Variants in PDZD2 observed in about 807,000 individuals in gnomAD.
PDZD2 encodes PDZ domain-containing protein 2.
A neutral mutation model predicts 220.7 loss-of-function variants in PDZD2; 90 were observed. The ratio of observed to expected loss-of-function variants is 0.41; its 90% CI spans 0.34 to 0.49. The LOEUF is 0.49. PDZD2 is among the 20% of genes least tolerant of loss of function. The pLI, the probability that PDZD2 is intolerant of heterozygous loss-of-function variation, is 0.28. For synonymous variants in PDZD2, 1,375 were observed against 1,450.5 expected, an observed-to-expected ratio of 0.95 and a Z score of 1.18; for missense variants, 3,174 against 3,608.5, an observed-to-expected ratio of 0.88 and a Z score of 3.08.
chr5:31,692,086 G>C (rs138637512), intron 1 of PDZD2, among the ~76,000 whole-genome samples: 1 of 152,204 alleles, frequency 6.6e-6, no homozygotes, highest in Non-Finnish European at 1.5e-5. Context: ...GGGGAGGCTC[G>C]GGTGGCACAG....
At chr5:32,035,236 A>G (rs575403214) in intron 6 of PDZD2, among the ~76,000 whole-genome samples, 2 of 152,194 alleles carry the variant, frequency 1.3e-5, no homozygotes, top group South Asian at 2.1e-4. Context: ...CTAACTGCTT[A>G]CTTTATACGT....
At chr5:31,742,088 TC>T (rs569625814) in intron 1 of PDZD2, 3 of 152,344 alleles carry the variant, frequency 2.0e-5, no homozygotes, top group South Asian at 2.1e-4. Flanking sequence ...TACAGGAAAG[TC>T]AATTATCTTT....
At chr5:31,658,935 ATC>A (rs1224855377) in intron 1 of PDZD2, among the ~76,000 whole-genome samples, 1 of 152,102 alleles carries the variant, frequency 6.6e-6, no homozygotes, top group African/African-American at 2.4e-5. Context: ...CACTTCTTAA[ATC>A]TCTCATTAAT....
intron 1 of PDZD2, among the ~76,000 whole-genome samples, chr5:31,790,817 G>T (rs1389060164): frequency 6.8e-6 from 1 of 147,828 alleles, no homozygotes; most frequent in Non-Finnish European, 1.5e-5. Context: ...TCCTGCCTCA[G>T]CCTCCTGAAT....
chr5:31,645,352 T>C (rs13184279), intron 1 of PDZD2, among the ~76,000 whole-genome samples: 71,949 of 135,456 alleles, frequency 0.53, 19,768 homozygotes, highest in Non-Finnish European at 0.65. Context: ...TTTTTTTTTT[T>C]TTGAGACGGA....
intron 1 of PDZD2, among the ~76,000 whole-genome samples, chr5:31,741,180 T>C (rs552596335): frequency 4.5e-5 from 6 of 133,268 alleles, no homozygotes; most frequent in Non-Finnish European, 9.4e-5. Context: ...TCAGATCTTG[T>C]ACAATAGTGT....
At chr5:31,754,221 C>G (rs772434327) in intron 1 of PDZD2, 7 of 152,284 alleles carry the variant, frequency 4.6e-5, no homozygotes, top group Non-Finnish European at 7.3e-5. Flanking sequence ...CATTGATCCT[C>G]GCGCCCTCTT....
intron 13 of PDZD2, among the ~76,000 whole-genome samples, chr5:32,059,703 T>C (rs1316799654): frequency 6.6e-6 from 1 of 152,192 alleles, no homozygotes. Context: ...AAAATTCATA[T>C]GAAATACTGG....
At chr5:31,806,573 C>T (rs148977586) in intron 2 of PDZD2, among the ~76,000 whole-genome samples, 2 of 152,272 alleles carry the variant, frequency 1.3e-5, no homozygotes, top group African/African-American at 4.8e-5. Flanking sequence ...GTCACCTGCC[C>T]CATCTTGAAG....
At chr5:31,671,541 T>G (rs1490087413) in intron 1 of PDZD2, among the ~76,000 whole-genome samples, 1 of 152,104 alleles carries the variant, frequency 6.6e-6, no homozygotes, top group African/African-American at 2.4e-5. Flanking sequence ...TGAAGTTGTG[T>G]CTCGAAGAGC....
intron 13 of PDZD2, among the ~76,000 whole-genome samples, chr5:32,060,208 C>T (rs1416477874): frequency 6.6e-6 from 1 of 152,028 alleles, no homozygotes; most frequent in African/African-American, 2.4e-5. Context: ...ATCCAAAGTA[C>T]ATTAAAGAAA....
intron 2 of PDZD2, among the ~76,000 whole-genome samples, chr5:31,848,628 A>G (rs1411013342): frequency 4.1e-5 from 5 of 123,278 alleles, no homozygotes; most frequent in Non-Finnish European, 8.7e-5. Flanking sequence ...GGGCACCTGT[A>G]ATCCCAGCTA....
chr5:31,881,324 ATATG>A (rs1194563661), intron 2 of PDZD2, among the ~76,000 whole-genome samples: 40 of 118,608 alleles, frequency 3.4e-4, no homozygotes, highest in Admixed American at 1.6e-3. Flanking sequence ...ATTTCCATAT[ATATG>A]TGTGTGTGTG....
intron 6 of PDZD2, among the ~76,000 whole-genome samples, chr5:32,018,178 C>A (rs367907563): frequency 5.9e-5 from 9 of 152,250 alleles, no homozygotes; most frequent in African/African-American, 2.2e-4. Context: ...CTTCCACACT[C>A]CTGCATCCGG....
chr5:31,882,883 A>G (rs1427989305), intron 2 of PDZD2, among the ~76,000 whole-genome samples: 1 of 151,984 alleles, frequency 6.6e-6, no homozygotes, highest in Non-Finnish European at 1.5e-5. Flanking sequence ...AACAAAAGTT[A>G]GCTGAGCCTG....
chr5:32,029,329 T>TAAAAAAAAAA (rs34025632), intron 6 of PDZD2, among the ~76,000 whole-genome samples: 5 of 65,834 alleles, frequency 7.6e-5, no homozygotes, highest in Non-Finnish European at 1.3e-4. Context: ...TCAAGAACTG[T>TAAAAAAAAAA]AAAAAAAAAA....
intron 7 of PDZD2, among the ~76,000 whole-genome samples, chr5:32,045,098 C>T (rs193236548): frequency 6.6e-6 from 1 of 152,306 alleles, no homozygotes; most frequent in Non-Finnish European, 1.5e-5. Flanking sequence ...ACAAGTGCCT[C>T]CCTGTCAGCT....
intron 1 of PDZD2, among the ~76,000 whole-genome samples, chr5:31,655,229 G>A (rs1377763281): frequency 6.6e-6 from 1 of 151,896 alleles, no homozygotes; most frequent in Non-Finnish European, 1.5e-5. Context: ...CTGGAGTGCA[G>A]TGGCGCAATC....
Position 32,090,447 on chromosome 5 carries a change from C to T in PDZD2, c.6999C>T (p.Phe2333=). The T allele has an allele frequency of 6.2e-7, 1 of 1,614,122 alleles. No individual in the cohort carries two copies. The part of the protein sequence containing the change: ...QNWPHESTSF[F]SVKQRIKSFE... ...GGCCCCATGAATCTACCTCATTTTT[C>T]TCTGTGAAGCAGCGGATCAAGTCTT... is the stretch of plus-strand genomic sequence containing the variant. Residue 2333 remains phenylalanine, a synonymous_variant, in exon 20 of 25, where the codon TTC becomes TTT. Coordinates refer to ENST00000438447, the MANE Select transcript of PDZD2 (RefSeq NM_178140.4). This position sits in a 1 kb window ranked among gnomAD's most constrained non-coding sequence, Gnocchi z 4.3.
Sources: allele counts gnomAD v4.1 joint callset (sites outside exome capture counted in the v4.1 genomes callset), GRCh38; gene constraint gnomAD v4.1.1; non-coding constraint Gnocchi (gnomAD v3.1); transcripts MANE v1.5; gene names NCBI Gene and HGNC (gene_info 2026-07-23, HGNC 2026-07-21).